ATP11B: variants seen among roughly 807,000 people sequenced by gnomAD.
The protein encoded by ATP11B is phospholipid-transporting ATPase IF.
ATP11B carries 81 observed loss-of-function variants against 157.8 expected under a neutral mutation model. The observed-to-expected ratio is 0.51, with a 90% CI of 0.43 to 0.62. The LOEUF (loss-of-function observed/expected upper bound fraction) is 0.62, where lower values mean the gene tolerates loss of function less well. Ranked by LOEUF, ATP11B falls within the 20% of genes least tolerant of loss-of-function variation. The pLI is 0.00. For synonymous variants in ATP11B, 451 were observed against 469.4 expected (o/e 0.96, Z 0.51); for missense variants, 1,165 against 1,402.2 (o/e 0.83, Z 2.70).
chr3:182,800,874 AC>A (rs900414975), intron 1 of ATP11B, among the ~76,000 whole-genome samples: 9 of 44,304 alleles, frequency 2.0e-4, no homozygotes, highest in Non-Finnish European at 2.4e-4. Context: ...TCCGCCCCCC[AC>A]CCCCCCCAGC....
chr3:182,860,049 C>G (rs1326440207), intron 12 of ATP11B, among the ~76,000 whole-genome samples: 1 of 151,558 alleles, frequency 6.6e-6, no homozygotes, highest in Non-Finnish European at 1.5e-5. Context: ...AGCTGTCACT[C>G]TGGACTTCAC....
intron 1 of ATP11B, among the ~76,000 whole-genome samples, chr3:182,805,307 A>G (rs562406581): frequency 6.6e-6 from 1 of 152,174 alleles, no homozygotes; most frequent in East Asian, 1.9e-4. Context: ...TGTCTTTTTG[A>G]TTATAGTCAT....
rs1005430992 is a variant in ATP11B, at chr3:182,879,513, T to C, written c.2270T>C (p.Val757Ala). The C allele has an allele frequency of 6.2e-7, 1 of 1,604,266 alleles. No individual in the cohort carries two copies. The highest frequency in any genetic ancestry group is 8.5e-7 in the Non-Finnish European group (1 of 1,177,476). Reference sequence around the variant, plus strand: ...TCTTTTAGAATTACAGAGGATCATGTGATTCAGCATGGGCTGGTAGTGGAT... The same window carrying C: ...TCTTTTAGAATTACAGAGGATCATGCGATTCAGCATGGGCTGGTAGTGGAT... ...QLARRITEDH[V>A]IQHGLVVDGT... is the part of the protein sequence containing the mutation. The change falls in exon 20 of 30, where the codon GTG (valine) becomes GCG (alanine). Residue 757 changes from valine (V) to alanine (A), a missense_variant. By Grantham distance (64) the Val-to-Ala change is moderately conservative. This residue lies in a region of ATP11B where 737 missense variants were observed against 930.5 expected (regional missense o/e 0.79). Transcript: ENST00000323116.
intron 1 of ATP11B, among the ~76,000 whole-genome samples, chr3:182,802,962 A>G (rs1480951757): frequency 1.3e-5 from 2 of 152,156 alleles, no homozygotes; most frequent in African/African-American, 4.8e-5. Flanking sequence ...GGAACTACCA[A>G]AATGAAGTAA....
intron 1 of ATP11B, among the ~76,000 whole-genome samples, chr3:182,797,112 T>A (rs1434818254): frequency 1.3e-5 from 2 of 152,214 alleles, no homozygotes; most frequent in African/African-American, 4.8e-5. Flanking sequence ...GATGCAACCC[T>A]CTTTTCCAAG....
chr3:182,829,105 A>G (rs1034907070), intron 3 of ATP11B, among the ~76,000 whole-genome samples: 6 of 152,208 alleles, frequency 3.9e-5, no homozygotes, highest in African/African-American at 1.4e-4. Flanking sequence ...AAAGCAAGAA[A>G]TGTATGCTAA....
At chr3:182,831,107 A>G (rs985946372) in intron 4 of ATP11B, among the ~76,000 whole-genome samples, 2 of 152,184 alleles carry the variant, frequency 1.3e-5, no homozygotes, top group African/African-American at 2.4e-5. Flanking sequence ...CTCCAAACAC[A>G]CATGTACAAC....
intron 19 of ATP11B, among the ~76,000 whole-genome samples, chr3:182,877,550 G>A (rs1406621353): frequency 6.6e-6 from 1 of 152,182 alleles, no homozygotes; most frequent in East Asian, 1.9e-4. Context: ...GCTGAGGTGG[G>A]AGGATGTATT....
intron 25 of ATP11B, among the ~76,000 whole-genome samples, chr3:182,894,108 AT>A (rs1436719132): frequency 6.8e-6 from 1 of 146,732 alleles, no homozygotes; most frequent in Non-Finnish European, 1.5e-5. Context: ...GATTGCGAAG[AT>A]TTTCTCCCAC....
At chr3:182,889,927 A>G (rs1263495115) in intron 25 of ATP11B, among the ~76,000 whole-genome samples, 1 of 152,138 alleles carries the variant, frequency 6.6e-6, no homozygotes, top group African/African-American at 2.4e-5. Context: ...CCTCCCAATA[A>G]TCTTATTAGA....
chr3:182,794,879 A>G (rs1715502702), intron 1 of ATP11B, among the ~76,000 whole-genome samples: 1 of 152,216 alleles, frequency 6.6e-6, no homozygotes, highest in Non-Finnish European at 1.5e-5. Context: ...AGGCAGTGGT[A>G]AAATTTAGTG....
chr3:182,869,389 TG>T (rs1054895584), intron 17 of ATP11B, 58 bp downstream of exon 17: 11 of 1,156,846 alleles, frequency 9.5e-6, no homozygotes, highest in Non-Finnish European at 1.3e-5. Flanking sequence ...TGAAATATTT[TG>T]GACTTTATTT....
chr3:182,793,676 C>T lies in ATP11B; in HGVS notation c.-84C>T, dbSNP rs1051667271. 138 of 934,036 alleles carry T rather than the reference C, an allele frequency of 1.5e-4. 1 individual carries two copies. The highest frequency in any genetic ancestry group is 2.5e-4 in the South Asian group (13 of 52,606). 57.9% of individuals were successfully genotyped at this position (934,036 alleles called of 1,614,324 possible). On this transcript the variant is annotated 5_prime_UTR_variant, in exon 1 of 30. Transcript: ENST00000323116. ...GGAACTTCGGCCCGAGGGGCTCGCCCGCTCCCGCCTCTGTCTTGTCGGCCT... is the reference window on the plus strand; with the variant it reads ...GGAACTTCGGCCCGAGGGGCTCGCCTGCTCCCGCCTCTGTCTTGTCGGCCT...
At chr3:182,836,260 G>A in intron 5 of ATP11B, 82 bp from the exon 6 acceptor site, 1 of 1,581,668 alleles carries the variant, frequency 6.3e-7, no homozygotes, top group South Asian at 1.1e-5. Context: ...TACTGTGATA[G>A]GCTGCTTCTT....
chr3:182,809,559 A>G (rs532520360), intron 1 of ATP11B, among the ~76,000 whole-genome samples: 1 of 152,242 alleles, frequency 6.6e-6, no homozygotes, highest in East Asian at 1.9e-4. Flanking sequence ...CGCTCTGTAC[A>G]CTAATAAGCA....
chr3:182,897,226 T>C (rs961133611), intron 26 of ATP11B, 77 bp from the exon 27 acceptor site: 6 of 780,212 alleles, frequency 7.7e-6, no homozygotes, highest in Non-Finnish European at 1.2e-5. Flanking sequence ...CTTATGTTTA[T>C]TCTTGAGTTT....
chr3:182,902,281 G>T (rs1288930679), intron 28 of ATP11B, among the ~76,000 whole-genome samples: 1 of 152,192 alleles, frequency 6.6e-6, no homozygotes, highest in East Asian at 1.9e-4. Context: ...ACAATGTGGT[G>T]TTAAGAGTGA....
Position 182,921,412 on chromosome 3 carries a change from T to TAATC in ATP11B, c.*3310_*3313dup, listed in dbSNP as rs1725480591. On this transcript the variant is annotated 3_prime_UTR_variant, in exon 30 of 30. Transcript: ENST00000323116. ...TAGATCATAACTCATGATATGTTTG[T>TAATC]AATCATGGTAATTTAGATTTTTATG... is the stretch of plus-strand genomic sequence containing the variant. 1 of 152,320 alleles carries TAATC rather than the reference T, an allele frequency of 6.6e-6. No homozygotes were observed. Among genetic ancestry groups the TAATC allele is most frequent in the South Asian group, 2.1e-4 (1 of 4,832 alleles). 9.4% of individuals were successfully genotyped at this position (152,320 alleles called of 1,614,324 possible).
At chr3:182,879,780 T>G (rs932460663) in intron 20 of ATP11B, 131 bp downstream of exon 20, 2 of 758,744 alleles carry the variant, frequency 2.6e-6, no homozygotes, top group Non-Finnish European at 3.8e-6. Context: ...CAGTCACATC[T>G]CATGTTGTAA....
Sources: allele counts gnomAD v4.1 joint callset (sites outside exome capture counted in the v4.1 genomes callset), GRCh38; gene constraint gnomAD v4.1.1; regional missense constraint gnomAD v4.1.1; transcripts MANE v1.5; gene names NCBI Gene and HGNC (gene_info 2026-07-23, HGNC 2026-07-21).